Variants in LCAT observed in about 807,000 individuals in gnomAD.
LCAT encodes the protein lecithin-cholesterol acyltransferase.
Under a neutral mutation model 41.0 loss-of-function variants are expected in LCAT, and 15 were observed. The ratio of observed to expected loss-of-function variants is 0.37; its 90% CI spans 0.24 to 0.56. The LOEUF (loss-of-function observed/expected upper bound fraction) is 0.56. Among genes scored for constraint, LCAT ranks in the 20% least tolerant of loss-of-function variants. The pLI, the probability that LCAT is intolerant of heterozygous loss-of-function variation, is 0.81. For synonymous variants in LCAT, 248 were observed against 245.4 expected (o/e 1.01, Z -0.10); for missense variants, 449 against 595.1 (o/e 0.75, Z 2.55).
intron 5 of LCAT, among the ~76,000 whole-genome samples, chr16:67,941,178 C>T (rs1400354710): frequency 6.6e-6 from 1 of 152,090 alleles, no homozygotes; most frequent in Non-Finnish European, 1.5e-5. Context: ...GTGGCACATG[C>T]CTGTGATCCT....
In LCAT at chr16:67,943,304, C is replaced by G; in HGVS notation, c.155-92G>C. 1 of 1,357,228 alleles carries G rather than the reference C, an allele frequency of 7.4e-7. No individual in the cohort carries two copies. The highest frequency in any genetic ancestry group is 1.0e-6 in the Non-Finnish European group (1 of 965,902). 84.1% of individuals were successfully genotyped at this position (1,357,228 alleles called of 1,614,324 possible). On this transcript the variant is annotated intron_variant, in intron 1 of 5. Transcript: ENST00000264005. This position sits in a 1 kb window ranked among gnomAD's most constrained non-coding sequence, Gnocchi z 4.6. ...ATGCTGCAGTGACCAGACCCACCCC[C>G]CACCTCCCATACCCTCAACCCCCAG...
At position 67,940,396 on chromosome 16, in the gene LCAT, A is replaced by G; in HGVS notation, c.831T>C (p.Phe277=). 1 of 1,614,078 alleles carries G rather than the reference A, an allele frequency of 6.2e-7. No individual in the cohort carries two copies. The highest frequency in any genetic ancestry group is 8.5e-7 in the Non-Finnish European group (1 of 1,180,020). The change falls in exon 6 of 6, where the codon TTT becomes TTC. Residue 277 remains phenylalanine, a synonymous_variant. Coordinates refer to ENST00000264005, the MANE Select transcript of LCAT (RefSeq NM_000229.2). ...QRITTTSPWM[F]PSRMAWPEDH... is the part of the protein sequence containing the mutation. The stretch of plus-strand genomic sequence containing the variant: ...CCTCAGGCCACGCCATGCGAGAGGG[A>G]AACATCCAGGGGGAGGTGGTGGTTA...
At position 67,940,277 on chromosome 16, in the gene LCAT, A is replaced by C. The variant is rs754974345; in HGVS notation, c.950T>G (p.Met317Arg). 5.0e-6 allele frequency: 8 copies of C among 1,613,914 alleles called. 1 individual carries two copies. The Middle Eastern group carries it at 6.6e-4, about 133-fold the overall frequency. Residue 317 changes from methionine to arginine, a missense_variant, in exon 6 of 6, where the codon ATG becomes AGG. Met to Arg is a moderately conservative substitution (Grantham distance 91). Transcript: ENST00000264005. ...CAGGAGGTCACGTGACTGCAGCCAC[A>C]TGTACCAGCCTTCCTCAAAGTGCAG... Reference protein sequence around the residue: ...ADLHFEEGWYMWLQSRDLLAG... With the variant: ...ADLHFEEGWYRWLQSRDLLAG...
Position 67,940,115 on chromosome 16 carries a change from G to T in LCAT, c.1112C>A (p.Thr371Lys). The T allele has an allele frequency of 1.9e-6, 3 of 1,613,350 alleles. No individual in the cohort carries two copies. The highest frequency in any genetic ancestry group is 2.5e-6 in the Non-Finnish European group (3 of 1,180,002). The change falls in exon 6 of 6, where the codon ACG becomes AAG. Residue 371 changes from threonine (T) to lysine (K), a missense_variant. Coordinates refer to ENST00000264005, the MANE Select transcript of LCAT (RefSeq NM_000229.2). ...GAGCTCGGTGCTGCGGGTCGCCACC[G>T]TGTCATCACCATCCTCATAGAGCAC... ...VGVLYEDGDD[T>K]VATRSTELCG...
chr16:67,941,620 GAAAA>G, intron 5 of LCAT: 1 of 907,528 alleles, frequency 1.1e-6, no homozygotes, highest in Non-Finnish European at 1.3e-6. Flanking sequence ...GTCTGAAAAA[GAAAA>G]AAAAAAGTAG....
In LCAT at chr16:67,943,987, T is replaced by C. The variant is rs1389355640; in HGVS notation, c.115A>G (p.Lys39Glu). The change falls in exon 1 of 6, where the codon AAG (lysine) becomes GAG (glutamate). Residue 39 changes from lysine to glutamate, a missense_variant. By Grantham distance (56) the Lys-to-Glu change is moderately conservative. Transcript: ENST00000264005. The surrounding 1 kb of genome is among the most constrained non-coding windows in gnomAD (Gnocchi z 4.6). ...NVLFPPHTTP[K>E]AELSNHTRPV... Reference sequence around the variant, plus strand: ...CGTGTGTGGTTACTGAGCTCAGCCTTGGGCGTGGTGTGCGGGGGGAAGAGC... The same window carrying C: ...CGTGTGTGGTTACTGAGCTCAGCCTCGGGCGTGGTGTGCGGGGGGAAGAGC... 6.5e-7 allele frequency: 1 copy of C among 1,548,306 alleles called. No homozygotes were observed. The highest frequency in any genetic ancestry group is 8.7e-7 in the Non-Finnish European group (1 of 1,145,670).
In LCAT at chr16:67,939,886, G is replaced by C. The variant is rs375566915; in HGVS notation, c.*18C>G. On this transcript the variant is annotated 3_prime_UTR_variant, in exon 6 of 6. Coordinates refer to ENST00000264005, the MANE Select transcript of LCAT (RefSeq NM_000229.2). Reference sequence around the variant, plus strand: ...CTGAAACATAGCCATCAGGGCTTACGGTAGCAAAGGAAGGTCTTTATTCAG... The same window carrying C: ...CTGAAACATAGCCATCAGGGCTTACCGTAGCAAAGGAAGGTCTTTATTCAG... The C allele has an allele frequency of 1.9e-6, 3 of 1,608,222 alleles. No individual in the cohort carries two copies. Among genetic ancestry groups the C allele is most frequent in the Non-Finnish European group, 2.5e-6 (3 of 1,176,546 alleles).
Position 67,943,244 on chromosome 16 carries a change from G to A in LCAT, c.155-32C>T. ...GCAGCAGCCCTCACTCTGGACTCTG[G>A]ATTCCCCCCGTGACCCTTACCCCCG... On this transcript the variant is annotated intron_variant, in intron 1 of 5. Coordinates refer to ENST00000264005, the MANE Select transcript of LCAT (RefSeq NM_000229.2). This position sits in a 1 kb window ranked among gnomAD's most constrained non-coding sequence, Gnocchi z 4.6. 1 of 1,610,680 alleles carries A rather than the reference G, an allele frequency of 6.2e-7. No homozygotes were observed. The highest frequency in any genetic ancestry group is 8.5e-7 in the Non-Finnish European group (1 of 1,179,622).
In LCAT at chr16:67,943,227, C is replaced by T. The variant is rs767110676; in HGVS notation, c.155-15G>A. The T allele has an allele frequency of 9.3e-6, 15 of 1,612,028 alleles. No homozygotes were observed. Among genetic ancestry groups the T allele is most frequent in the South Asian group, 2.2e-5 (2 of 91,034 alleles). On this transcript the variant is annotated splice_polypyrimidine_tract_variant and intron_variant, in intron 1 of 5. Transcript: ENST00000264005. The surrounding 1 kb of genome is among the most constrained non-coding windows in gnomAD (Gnocchi z 4.6). ...GCAGCCGGGCACTGTGAGCAGCAGC[C>T]CTCACTCTGGACTCTGGATTCCCCC... is the stretch of plus-strand genomic sequence containing the variant.
Position 67,943,517 on chromosome 16 carries a change from A to G in LCAT, c.155-305T>C. The stretch of plus-strand genomic sequence containing the variant: ...TATTGCCAAAGTCCAAGGTGGGAAC[A>G]GATAGGTCTGGGGGCATGGGGGCTG... On this transcript the variant is annotated intron_variant, in intron 1 of 5. Transcript: ENST00000264005. This position sits in a 1 kb window ranked among gnomAD's most constrained non-coding sequence, Gnocchi z 4.6. The G allele has an allele frequency of 1.9e-6, 1 of 518,144 alleles. No homozygotes were observed. The highest frequency in any genetic ancestry group is 3.5e-6 in the Non-Finnish European group (1 of 284,338). 32.1% of individuals were successfully genotyped at this position (518,144 alleles called of 1,614,324 possible). A position where few individuals can be genotyped will look rare whatever the true frequency, so the allele number is the denominator to read the frequency against.
At chr16:67,941,655 G>A (rs2058291339) in intron 5 of LCAT, 7 of 985,202 alleles carry the variant, frequency 7.1e-6, no homozygotes, top group Non-Finnish European at 7.2e-6. Flanking sequence ...CTGAGGACCA[G>A]GGTGTGTGGG....
In LCAT at chr16:67,940,531, C is replaced by T. The variant is rs978188182; in HGVS notation, c.749-53G>A. The T allele has an allele frequency of 2.5e-6, 4 of 1,608,556 alleles. No individual in the cohort carries two copies. In the Admixed American group the frequency reaches 5.1e-5, roughly 20 times the overall value. ...GGAGCCAGGCCTGGCTACCCCTGGC[C>T]CACAACCTGCTGAGTGTAGGCTCAG... On this transcript the variant is annotated intron_variant, in intron 5 of 5. Transcript: ENST00000264005.
Position 67,943,718 on chromosome 16 carries a change from G to T in LCAT, c.154+230C>A, listed in dbSNP as rs1021230108. On this transcript the variant is annotated intron_variant, in intron 1 of 5. Coordinates refer to ENST00000264005, the MANE Select transcript of LCAT (RefSeq NM_000229.2). The surrounding 1 kb of genome is among the most constrained non-coding windows in gnomAD (Gnocchi z 4.6). ...CCAGCCAAGACCTCAGGCACACCCC[G>T]TCCCCCACTCCGCCCCCCCTGGGTT... The T allele has an allele frequency of 1.1e-5, 6 of 565,376 alleles. No individual in the cohort carries two copies. The South Asian group carries it at 1.2e-4, about 11-fold the overall frequency. The allele number at this position is 565,376 out of a possible 1,614,324, so 35.0% of individuals were successfully genotyped here. A position where few individuals can be genotyped will look rare whatever the true frequency, so the allele number is the denominator to read the frequency against.
rs990473425 is a variant in LCAT at position 67,941,864 on chromosome 16, CTG to C, written c.748+497_748+498del. The C allele has an allele frequency of 2.0e-5, 22 of 1,083,278 alleles. No individual in the cohort carries two copies. In the African/African-American group the frequency reaches 2.1e-4, roughly 10 times the overall value. 67.1% of individuals were successfully genotyped at this position (1,083,278 alleles called of 1,614,324 possible). A position where few individuals can be genotyped will look rare whatever the true frequency, so the allele number is the denominator to read the frequency against. ...CTGATGAGCGTTTCTCTTGTCCAGACTGTGTTTCTCTCTCCAGACCAGCTCCC... is the reference window on the plus strand; with the variant it reads ...CTGATGAGCGTTTCTCTTGTCCAGACTGTTTCTCTCTCCAGACCAGCTCCC... On this transcript the variant is annotated intron_variant, in intron 5 of 5. Coordinates refer to ENST00000264005, the MANE Select transcript of LCAT (RefSeq NM_000229.2).
In LCAT at chr16:67,940,078, C is replaced by G. The variant is rs965824310; in HGVS notation, c.1149G>C (p.Trp383Cys). 1 of 1,612,936 alleles carries G rather than the reference C, an allele frequency of 6.2e-7. No individual in the cohort carries two copies. The highest frequency in any genetic ancestry group is 1.3e-5 in the African/African-American group (1 of 74,934). The change falls in exon 6 of 6, where the codon TGG (tryptophan) becomes TGC (cysteine). Residue 383 changes from tryptophan (W) to cysteine (C), a missense_variant. Trp to Cys is a radical substitution (Grantham distance 215, BLOSUM62 -2). Transcript: ENST00000264005. ...GCACAGGCTGTGGCTGGCGGCCCTG[C>G]CACAGGCCACAGAGCTCGGTGCTGC... ...ATRSTELCGL[W>C]QGRQPQPVHL...
Position 67,944,083 on chromosome 16 carries a change from G to T in LCAT, c.19C>A (p.Pro7Thr). ...AGCAGCAGCGTCACCCACTGCCATG[G>T]GGAGCCGGGCGGCCCCATTCCAGCC... is the stretch of plus-strand genomic sequence containing the variant. MGPPGS[P>T]WQWVTLLLGL... The change falls in exon 1 of 6, where the codon CCA becomes ACA. Residue 7 changes from proline (P) to threonine (T), a missense_variant. Pro to Thr is a conservative substitution (Grantham distance 38, BLOSUM62 -1). Coordinates refer to ENST00000264005, the MANE Select transcript of LCAT (RefSeq NM_000229.2). The surrounding 1 kb of genome is among the most constrained non-coding windows in gnomAD (Gnocchi z 6.6). The T allele has an allele frequency of 6.5e-7, 1 of 1,548,010 alleles. No individual in the cohort carries two copies. The highest frequency in any genetic ancestry group is 2.2e-4 in the Middle Eastern group (1 of 4,530).
chr16:67,942,089 G>A lies in LCAT; in HGVS notation c.748+274C>T, dbSNP rs2058294685. 2.9e-6 allele frequency: 4 copies of A among 1,356,018 alleles called. No individual in the cohort carries two copies. The East Asian group carries it at 1.3e-4, about 43-fold the overall frequency. 84.0% of individuals were successfully genotyped at this position (1,356,018 alleles called of 1,614,324 possible). ...GCAAGGGCTGGGCAGGCAGGCTCTGGGGCTACAAGAACAAACCCTGGGAGC... is the reference window on the plus strand; with the variant it reads ...GCAAGGGCTGGGCAGGCAGGCTCTGAGGCTACAAGAACAAACCCTGGGAGC... On this transcript the variant is annotated intron_variant, in intron 5 of 5. Coordinates refer to ENST00000264005, the MANE Select transcript of LCAT (RefSeq NM_000229.2). This position sits in a 1 kb window ranked among gnomAD's most constrained non-coding sequence, Gnocchi z 6.6.
rs748424205 is a variant in LCAT, at chr16:67,942,318, T to C, written c.748+45A>G. 5 of 1,589,838 alleles carry C rather than the reference T, an allele frequency of 3.1e-6. No homozygotes were observed. Among genetic ancestry groups the C allele is most frequent in the Admixed American group, 3.4e-5 (2 of 59,618 alleles). ...CAATGAAGGCAGGCCCAGGATCAGC[T>C]TGGTCTCACCCATCGCTGGACCTAA... is the stretch of plus-strand genomic sequence containing the variant. On this transcript the variant is annotated intron_variant, in intron 5 of 5. Coordinates refer to ENST00000264005, the MANE Select transcript of LCAT (RefSeq NM_000229.2). The surrounding 1 kb of genome is among the most constrained non-coding windows in gnomAD (Gnocchi z 6.6).
Position 67,940,044 on chromosome 16 carries a change from G to C in LCAT, c.1183C>G (p.Pro395Ala). The C allele has an allele frequency of 6.2e-7, 1 of 1,613,530 alleles. No individual in the cohort carries two copies. The highest frequency in any genetic ancestry group is 8.5e-7 in the Non-Finnish European group (1 of 1,180,026). ...GRQPQPVHLL[P>A]LHGIQHLNMV... ...TTGAGATGCTGTATCCCGTGCAGGG[G>C]CAGCAGGTGCACAGGCTGTGGCTGG... is the stretch of plus-strand genomic sequence containing the variant. The change falls in exon 6 of 6, where the codon CCC becomes GCC. Residue 395 changes from proline (P) to alanine (A), a missense_variant. Pro to Ala is a conservative substitution (Grantham distance 27). Coordinates refer to ENST00000264005, the MANE Select transcript of LCAT (RefSeq NM_000229.2).
Sources: allele counts gnomAD v4.1 joint callset (sites outside exome capture counted in the v4.1 genomes callset), GRCh38; gene constraint gnomAD v4.1.1; non-coding constraint Gnocchi (gnomAD v3.1); transcripts MANE v1.5; gene names NCBI Gene and HGNC (gene_info 2026-07-23, HGNC 2026-07-21).